The following CYP27A1 variants were observed in gnomAD, a reference collection of about 807,000 sequenced individuals.
The protein encoded by CYP27A1 is cytochrome P450 family 27 subfamily A member 1, also known as sterol 26-hydroxylase, mitochondrial.
A neutral mutation model predicts 58.2 loss-of-function variants in CYP27A1; 46 were observed. The ratio of observed to expected loss-of-function variants is 0.79; its 90% CI spans 0.62 to 1.01. The LOEUF is 1.01. CYP27A1 is among the 50% of genes least tolerant of loss of function. The probability of loss-of-function intolerance (pLI) is 0.00; values close to 1 mark genes in which losing one functional copy is unlikely to be tolerated. For missense variants in CYP27A1, 704 were observed against 687.0 expected (o/e 1.02, Z -0.28); for synonymous variants, 274 against 285.1 (o/e 0.96, Z 0.39).
chr2:218,809,442 C>CTATTTTTTT (rs1943686774), intron 1 of CYP27A1, 135 bp from the exon 2 acceptor site: 1 of 365,314 alleles, frequency 2.7e-6, no homozygotes, highest in African/African-American at 3.4e-5. Flanking sequence ...ACACAATGCC[C>CTATTTTTTT]TTTTTTTTTT....
chr2:218,784,273 TG>T (rs1943422251), intron 1 of CYP27A1, among the ~76,000 whole-genome samples: 1 of 152,234 alleles, frequency 6.6e-6, no homozygotes, highest in African/African-American at 2.4e-5. Context: ...AAACCTAAGC[TG>T]TTGGAACTTT....
intron 1 of CYP27A1, among the ~76,000 whole-genome samples, chr2:218,797,771 T>C (rs182999354): frequency 6.6e-6 from 1 of 152,356 alleles, no homozygotes; most frequent in Admixed American, 6.5e-5. Flanking sequence ...CTTCACAAGT[T>C]TTGCTAAAGA....
intron 2 of CYP27A1, among the ~76,000 whole-genome samples, chr2:218,811,465 G>A (rs1274163868): frequency 6.6e-6 from 1 of 152,202 alleles, no homozygotes; most frequent in African/African-American, 2.4e-5. Flanking sequence ...CTGGGAGTGG[G>A]GGCAGTCCCT....
chr2:218,784,038 G>A (rs777626420), intron 1 of CYP27A1, among the ~76,000 whole-genome samples: 2 of 152,120 alleles, frequency 1.3e-5, no homozygotes, highest in Non-Finnish European at 1.5e-5. Context: ...AGGCTCAGGC[G>A]TGGCAGGATC....
chr2:218,809,442 C>CGTATT (rs1943686675), intron 1 of CYP27A1, 135 bp from the exon 2 acceptor site: 1 of 365,316 alleles, frequency 2.7e-6, no homozygotes, highest in African/African-American at 3.4e-5. Flanking sequence ...ACACAATGCC[C>CGTATT]TTTTTTTTTT....
At position 218,814,623 on chromosome 2, in the gene CYP27A1, C is replaced by T. The variant is rs730882199; in HGVS notation, c.1342C>T (p.Arg448Cys). Residue 448 changes from arginine (R) to cysteine (C), a missense_variant, in exon 8 of 9, where the codon CGC (arginine) becomes TGC (cysteine). Physicochemically the swap from Arg to Cys is radical, Grantham distance 180. Coordinates refer to ENST00000258415, the MANE Select transcript of CYP27A1 (RefSeq NM_000784.4). ...TGAGCCTGAAAGCTTCCAGCCCCAC[C>T]GCTGGCTGAGAAACAGCCAGCCTGC... ...FSEPESFQPHRWLRNSQPATP... is the reference protein window; with the variant it reads ...FSEPESFQPHCWLRNSQPATP... 2.8e-5 allele frequency: 45 copies of T among 1,614,092 alleles called. No individual in the cohort carries two copies. Among genetic ancestry groups the T allele is most frequent in the South Asian group, 1.8e-4 (16 of 91,090 alleles).
At chr2:218,801,671 T>C (rs868677978) in intron 1 of CYP27A1, among the ~76,000 whole-genome samples, 11 of 152,302 alleles carry the variant, frequency 7.2e-5, no homozygotes, top group African/African-American at 2.6e-4. Flanking sequence ...TGCATGTTCT[T>C]ATTTGTAAGA....
At chr2:218,803,471 G>A (rs1440218593) in intron 1 of CYP27A1, among the ~76,000 whole-genome samples, 1 of 152,082 alleles carries the variant, frequency 6.6e-6, no homozygotes, top group Non-Finnish European at 1.5e-5. Context: ...CTATTGCCAG[G>A]CTGGAGTGCA....
chr2:218,804,543 A>C (rs1262510478), intron 1 of CYP27A1, among the ~76,000 whole-genome samples: 1 of 152,150 alleles, frequency 6.6e-6, no homozygotes, highest in Non-Finnish European at 1.5e-5. Context: ...GCAGTTCCAT[A>C]TTAATTTTAG....
In CYP27A1 at chr2:218,814,923, T is replaced by C; in HGVS notation, c.1489T>C (p.Tyr497His). Reference sequence around the variant, plus strand: ...CTTTACCCCCCAGCTGATCCAGAAGTACAAGGTGGTCCTGGCCCCGGAGAC... The same window carrying C: ...CTTTACCCCCCAGCTGATCCAGAAGCACAAGGTGGTCCTGGCCCCGGAGAC... ...QLLLARLIQKYKVVLAPETGE... is the reference protein window; with the variant it reads ...QLLLARLIQKHKVVLAPETGE... The change falls in exon 9 of 9, where the codon TAC (tyrosine) becomes CAC (histidine). Residue 497 changes from tyrosine (Y) to histidine (H), a missense_variant. Coordinates refer to ENST00000258415, the MANE Select transcript of CYP27A1 (RefSeq NM_000784.4). 6.2e-7 allele frequency: 1 copy of C among 1,614,194 alleles called. No homozygotes were observed.
Position 218,800,346 on chromosome 2 carries a change from C to T in CYP27A1, c.256-9231C>T, listed in dbSNP as rs901975770. Among the ~76,000 whole-genome samples the T allele has an allele frequency of 4.6e-5, 7 of 152,004 alleles. No homozygotes were observed. In the East Asian group the frequency reaches 5.8e-4, roughly 13 times the overall value. Reference sequence around the variant, plus strand: ...TCTTAACGGTGCTATGGCAAAGTAACGCAGCCTGGTAGAAGAAATAAAGAT... The same window carrying T: ...TCTTAACGGTGCTATGGCAAAGTAATGCAGCCTGGTAGAAGAAATAAAGAT... On this transcript the variant is annotated intron_variant, in intron 1 of 8. Transcript: ENST00000258415.
At chr2:218,794,163 A>G (rs1037202027) in intron 1 of CYP27A1, among the ~76,000 whole-genome samples, 9 of 152,306 alleles carry the variant, frequency 5.9e-5, no homozygotes, top group African/African-American at 2.2e-4. Context: ...GCAAACGGGT[A>G]AACCTCCCGA....
intron 6 of CYP27A1, 21 bp from the exon 7 acceptor site, chr2:218,814,359 C>T (rs1442684183): frequency 6.2e-7 from 1 of 1,612,854 alleles, no homozygotes; most frequent in African/African-American, 1.3e-5. Flanking sequence ...GAGCAGACTC[C>T]AGACATTCTT....
rs961947219 is a variant in CYP27A1 at position 218,813,057 on chromosome 2, G to A, written c.978G>A (p.Met326Ile). Residue 326 changes from methionine (M) to isoleucine (I), a missense_variant, in exon 5 of 9, where the codon ATG becomes ATA. Physicochemically the swap from Met to Ile is conservative, Grantham distance 10 (BLOSUM62 1). Transcript: ENST00000258415. ...ASGQLSPREA[M>I]GSLPELLMAG... ...GACAGCTCAGTCCTCGGGAGGCCAT[G>A]GGCAGCCTGCCTGAGCTGCTCATGG... The A allele has an allele frequency of 7.4e-6, 12 of 1,613,970 alleles. No homozygotes were observed. Among genetic ancestry groups the A allele is most frequent in the Middle Eastern group, 1.7e-4 (1 of 6,058 alleles).
chr2:218,799,170 AC>A (rs1458410484), intron 1 of CYP27A1, among the ~76,000 whole-genome samples: 1 of 151,286 alleles, frequency 6.6e-6, no homozygotes, highest in African/African-American at 2.4e-5. Flanking sequence ...GGTGCTGCCC[AC>A]CCCTCCCCCT....
At chr2:218,792,393 A>G (rs887786373) in intron 1 of CYP27A1, among the ~76,000 whole-genome samples, 5 of 152,120 alleles carry the variant, frequency 3.3e-5, no homozygotes, top group African/African-American at 1.2e-4. Flanking sequence ...TTTTTTTGGT[A>G]TTTAATTAAT....
At chr2:218,803,644 G>A (rs1293821188) in intron 1 of CYP27A1, among the ~76,000 whole-genome samples, 2 of 150,506 alleles carry the variant, frequency 1.3e-5, no homozygotes, top group Non-Finnish European at 2.9e-5. Flanking sequence ...GGATGGTCTC[G>A]ATCTCTTGAC....
At position 218,814,926 on chromosome 2, in the gene CYP27A1, A is replaced by C; in HGVS notation, c.1492A>C (p.Lys498Gln). ...LLLARLIQKY[K>Q]VVLAPETGEL... ...TACCCCCCAGCTGATCCAGAAGTAC[A>C]AGGTGGTCCTGGCCCCGGAGACGGG... is the stretch of plus-strand genomic sequence containing the variant. The change falls in exon 9 of 9, where the codon AAG becomes CAG. Residue 498 changes from lysine (K) to glutamine (Q), a missense_variant. Coordinates refer to ENST00000258415, the MANE Select transcript of CYP27A1 (RefSeq NM_000784.4). The C allele has an allele frequency of 6.2e-7, 1 of 1,614,216 alleles. No individual in the cohort carries two copies. Among genetic ancestry groups the C allele is most frequent in the African/African-American group, 1.3e-5 (1 of 75,062 alleles).
chr2:218,799,972 C>T (rs781627956), intron 1 of CYP27A1, among the ~76,000 whole-genome samples: 6 of 151,988 alleles, frequency 3.9e-5, no homozygotes, highest in African/African-American at 1.5e-4. Flanking sequence ...TGGGTTTCTG[C>T]CCTAGTCCTG....
Sources: allele counts gnomAD v4.1 joint callset (sites outside exome capture counted in the v4.1 genomes callset), GRCh38; gene constraint gnomAD v4.1.1; transcripts MANE v1.5; gene names NCBI Gene and HGNC (gene_info 2026-07-23, HGNC 2026-07-21).